PAFAH1B1: variants seen among roughly 807,000 people sequenced by gnomAD.
PAFAH1B1 encodes the protein platelet activating factor acetylhydrolase 1b regulatory subunit 1.
Under a neutral mutation model 57.5 loss-of-function variants are expected in PAFAH1B1, and 2 were observed. That is an observed-to-expected ratio of 0.03 (90% CI 0.01 to 0.11). PAFAH1B1 has a LOEUF of 0.11. Among genes scored for constraint, PAFAH1B1 ranks in the 10% least tolerant of loss-of-function variants. The pLI is 1.00. For synonymous variants in PAFAH1B1, 152 were observed against 169.6 expected, an observed-to-expected ratio of 0.90 and a Z score of 0.81; for missense variants, 257 against 512.0, an observed-to-expected ratio of 0.50 and a Z score of 4.81.
chr17:2,630,153 T>A (rs1392290034), intron 1 of PAFAH1B1, among the ~76,000 whole-genome samples: 1 of 152,158 alleles, frequency 6.6e-6, no homozygotes. Context: ...TACTTTGGGT[T>A]TTTTTGTTTT....
At chr17:2,596,323 TC>T (rs1466636344) in intron 1 of PAFAH1B1, among the ~76,000 whole-genome samples, 2 of 152,170 alleles carry the variant, frequency 1.3e-5, no homozygotes, top group Admixed American at 6.6e-5. Context: ...ACTGCAATAA[TC>T]TAAGAAAAAT....
At chr17:2,663,499 C>T (rs1019054038) in intron 2 of PAFAH1B1, among the ~76,000 whole-genome samples, 3 of 152,008 alleles carry the variant, frequency 2.0e-5, no homozygotes, top group South Asian at 2.1e-4. Context: ...GCCATTCTCC[C>T]GCCTCAGCCT....
intron 2 of PAFAH1B1, among the ~76,000 whole-genome samples, chr17:2,650,194 A>G (rs138882187): frequency 6.6e-6 from 1 of 152,204 alleles, no homozygotes; most frequent in African/African-American, 2.4e-5. Context: ...GCAAGATTTT[A>G]TCTTTACAAA....
intron 2 of PAFAH1B1, among the ~76,000 whole-genome samples, chr17:2,660,833 T>G (rs755344618): frequency 1.3e-5 from 2 of 152,214 alleles, no homozygotes; most frequent in African/African-American, 4.8e-5. Flanking sequence ...CCACACTATC[T>G]TCCATGATGG....
chr17:2,610,753 A>G (rs1200274006), intron 1 of PAFAH1B1, among the ~76,000 whole-genome samples: 1 of 152,240 alleles, frequency 6.6e-6, no homozygotes, highest in Non-Finnish European at 1.5e-5. Context: ...TGGGGCTCTC[A>G]TAAAGAGGAT....
At chr17:2,613,928 G>A (rs114352718) in intron 1 of PAFAH1B1, 2,274 of 190,508 alleles carry the variant, frequency 0.012, 66 homozygotes, top group African/African-American at 0.051. Flanking sequence ...GGCATTCTGG[G>A]GCGACAGCAA....
intron 2 of PAFAH1B1, among the ~76,000 whole-genome samples, chr17:2,651,118 A>G (rs2068843709): frequency 6.6e-6 from 1 of 152,140 alleles, no homozygotes; most frequent in Admixed American, 6.6e-5. Flanking sequence ...AAAGGGATCG[A>G]AGTGCTTTTT....
intron 1 of PAFAH1B1, among the ~76,000 whole-genome samples, chr17:2,633,961 CTTTT>C (rs553588827): frequency 0.29 from 34,548 of 119,268 alleles, 4,572 homozygotes; most frequent in Middle Eastern, 0.4. Context: ...AGTACCAAAC[CTTTT>C]TTTTTTTTTT....
intron 1 of PAFAH1B1, among the ~76,000 whole-genome samples, chr17:2,620,508 G>C (rs1321307914): frequency 2.6e-5 from 4 of 152,126 alleles, no homozygotes; most frequent in Non-Finnish European, 5.9e-5. Flanking sequence ...GTTGGATGCT[G>C]GTTGTCTGTG....
At chr17:2,681,492 G>A (rs1217260509) in intron 10 of PAFAH1B1, 1 of 504,116 alleles carries the variant, frequency 2.0e-6, no homozygotes, top group East Asian at 3.4e-5. Flanking sequence ...ACCGGGCAGG[G>A]TCTTGCTCTG....
At chr17:2,619,585 G>A (rs2068393179) in intron 1 of PAFAH1B1, among the ~76,000 whole-genome samples, 1 of 150,532 alleles carries the variant, frequency 6.6e-6, no homozygotes, top group Admixed American at 6.6e-5. Context: ...GAATTACCTG[G>A]GGTCTTGACT....
At chr17:2,626,878 A>G (rs1338264034) in intron 1 of PAFAH1B1, among the ~76,000 whole-genome samples, 3 of 151,842 alleles carry the variant, frequency 2.0e-5, no homozygotes, top group Non-Finnish European at 4.4e-5. Flanking sequence ...TTTGTTGGCC[A>G]TTTGTATATC....
intron 2 of PAFAH1B1, chr17:2,659,468 C>T: frequency 4.0e-6 from 1 of 250,634 alleles, no homozygotes; most frequent in Non-Finnish European, 8.0e-6. Flanking sequence ...TTGTGGTGAG[C>T]TGAGATTGTG....
chr17:2,627,399 G>T (rs1205170608), intron 1 of PAFAH1B1, among the ~76,000 whole-genome samples: 1 of 152,150 alleles, frequency 6.6e-6, no homozygotes, highest in East Asian at 1.9e-4. Context: ...TCAGTTGGCT[G>T]TAAGTATTTG....
At chr17:2,620,485 A>G (rs1318436551) in intron 1 of PAFAH1B1, among the ~76,000 whole-genome samples, 1 of 152,172 alleles carries the variant, frequency 6.6e-6, no homozygotes, top group Non-Finnish European at 1.5e-5. Context: ...AACAAGTTTT[A>G]TGTCTCTTTT....
At chr17:2,625,431 A>T (rs190294864) in intron 1 of PAFAH1B1, among the ~76,000 whole-genome samples, 3 of 152,336 alleles carry the variant, frequency 2.0e-5, no homozygotes, top group Non-Finnish European at 2.9e-5. Flanking sequence ...GTTTATTTTC[A>T]TATGTGCTTC....
At chr17:2,605,268 T>C (rs1339116938) in intron 1 of PAFAH1B1, among the ~76,000 whole-genome samples, 1 of 152,144 alleles carries the variant, frequency 6.6e-6, no homozygotes, top group African/African-American at 2.4e-5. Flanking sequence ...TTTGGGTGAC[T>C]GAGTGGAACT....
chr17:2,604,966 C>T (rs936076257), intron 1 of PAFAH1B1, among the ~76,000 whole-genome samples: 1 of 152,060 alleles, frequency 6.6e-6, no homozygotes, highest in East Asian at 1.9e-4. Context: ...CACGTCTGAG[C>T]CAGATTGATA....
Position 2,684,065 on chromosome 17 carries a change from C to G in PAFAH1B1, c.*2263C>G, listed in dbSNP as rs1012646671. 4.6e-5 allele frequency: 7 copies of G among 152,658 alleles called. No individual in the cohort carries two copies. The highest frequency in any genetic ancestry group is 1.4e-4 in the African/African-American group (6 of 41,462). The allele number at this position is 152,658 out of a possible 1,614,324, so 9.5% of individuals were successfully genotyped here. The stretch of plus-strand genomic sequence containing the variant: ...TTGACAAAGGAGGAGGAAACGATTA[C>G]TCTGTAAACAAAGTTATCCTTACTT... On this transcript the variant is annotated 3_prime_UTR_variant, in exon 11 of 11. Coordinates refer to ENST00000397195, the MANE Select transcript of PAFAH1B1 (RefSeq NM_000430.4).
Sources: allele counts gnomAD v4.1 joint callset (sites outside exome capture counted in the v4.1 genomes callset), GRCh38; gene constraint gnomAD v4.1.1; transcripts MANE v1.5; gene names NCBI Gene and HGNC (gene_info 2026-07-23, HGNC 2026-07-21).